Variants in CARMIL1 observed in about 807,000 individuals in gnomAD.
The protein encoded by CARMIL1 is F-actin-uncapping protein LRRC16A.
A neutral mutation model predicts 177.1 loss-of-function variants in CARMIL1; 90 were observed. The observed-to-expected ratio is 0.51, with a 90% CI of 0.43 to 0.61. The LOEUF (loss-of-function observed/expected upper bound fraction) is 0.61, where lower values mean the gene tolerates loss of function less well. Among genes scored for constraint, CARMIL1 ranks in the 20% least tolerant of loss-of-function variants. The pLI, the probability that CARMIL1 is intolerant of heterozygous loss-of-function variation, is 0.00. For missense variants in CARMIL1, 1,380 were observed against 1,667.0 expected (o/e 0.83, Z 3.00); for synonymous variants, 577 against 606.2 (o/e 0.95, Z 0.71).
intron 8 of CARMIL1, among the ~76,000 whole-genome samples, chr6:25,459,273 T>TCTTTCTTTCTTTCTTTC (rs1390647134): frequency 3.8e-5 from 5 of 132,750 alleles, no homozygotes; most frequent in South Asian, 2.4e-4. Flanking sequence ...TTTCTTTTTT[T>TCTTTCTTTCTTTCTTTC]TTTTTTTAAG....
intron 2 of CARMIL1, among the ~76,000 whole-genome samples, chr6:25,397,313 G>T (rs371756429): frequency 6.6e-6 from 1 of 152,162 alleles, no homozygotes; most frequent in African/African-American, 2.4e-5. Context: ...TGCCAAGGGG[G>T]CCTTGCAGGC....
chr6:25,424,697 T>G (rs1437283115), intron 3 of CARMIL1, among the ~76,000 whole-genome samples: 4 of 152,188 alleles, frequency 2.6e-5, no homozygotes, highest in Non-Finnish European at 5.9e-5. Flanking sequence ...CATTGAATAT[T>G]GATGAAAGTG....
intron 23 of CARMIL1, among the ~76,000 whole-genome samples, chr6:25,526,080 C>T (rs531842308): frequency 6.9e-4 from 105 of 151,670 alleles, no homozygotes; most frequent in Middle Eastern, 6.8e-3. Context: ...GAGGCCGAGG[C>T]GGGCGGATCA....
rs1361937581 is a variant in CARMIL1 at position 25,326,857 on chromosome 6, C to A, written c.138+41948C>A. 1.3e-5 allele frequency among the ~76,000 whole-genome samples: 2 copies of A among 152,062 alleles called. No homozygotes were observed. The highest frequency in any genetic ancestry group is 4.8e-5 in the African/African-American group (2 of 41,396). Reference sequence around the variant, plus strand: ...ATGTTTCAAGACGGAATCCCACTGTCACCCAGGCTGGAGTGCAGTGGCATG... The same window carrying A: ...ATGTTTCAAGACGGAATCCCACTGTAACCCAGGCTGGAGTGCAGTGGCATG... On this transcript the variant is annotated intron_variant, in intron 2 of 36. Coordinates refer to ENST00000329474, the MANE Select transcript of CARMIL1 (RefSeq NM_017640.6). The surrounding 1 kb of genome is among the most constrained non-coding windows in gnomAD (Gnocchi z 4.2).
intron 2 of CARMIL1, among the ~76,000 whole-genome samples, chr6:25,315,868 T>A (rs996141442): frequency 3.3e-5 from 5 of 152,212 alleles, no homozygotes; most frequent in African/African-American, 1.2e-4. Flanking sequence ...TTGCCAATAC[T>A]TGGGGCTTGT....
At chr6:25,296,403 C>T (rs1782367502) in intron 2 of CARMIL1, among the ~76,000 whole-genome samples, 2 of 152,186 alleles carry the variant, frequency 1.3e-5, no homozygotes, top group Non-Finnish European at 2.9e-5. Context: ...CCATTGTGTA[C>T]TATGTTGCTT....
At chr6:25,438,180 T>C (rs1420082004) in intron 5 of CARMIL1, among the ~76,000 whole-genome samples, 1 of 152,206 alleles carries the variant, frequency 6.6e-6, no homozygotes, top group Admixed American at 6.5e-5. Context: ...AAGAGAGTCT[T>C]TATTCATGTT....
chr6:25,442,898 A>G (rs758968533), intron 5 of CARMIL1, among the ~76,000 whole-genome samples: 12 of 152,184 alleles, frequency 7.9e-5, no homozygotes, highest in Non-Finnish European at 1.8e-4. Context: ...TTTTTCGAGT[A>G]AAACTGAGGC....
At chr6:25,593,624 C>T (rs770262220) in intron 31 of CARMIL1, among the ~76,000 whole-genome samples, 3 of 152,218 alleles carry the variant, frequency 2.0e-5, no homozygotes, top group Non-Finnish European at 2.9e-5. Context: ...AGCACAGATA[C>T]CCAGGTGCTT....
At chr6:25,298,013 A>C (rs1180081167) in intron 2 of CARMIL1, among the ~76,000 whole-genome samples, 7 of 152,240 alleles carry the variant, frequency 4.6e-5, no homozygotes, top group Admixed American at 4.6e-4. Flanking sequence ...GCTAACATTT[A>C]ATCTTGGCCA....
intron 33 of CARMIL1, among the ~76,000 whole-genome samples, chr6:25,601,232 C>T (rs150170504): frequency 3.3e-5 from 5 of 152,302 alleles, no homozygotes; most frequent in Admixed American, 3.3e-4. Flanking sequence ...AGCACAGACC[C>T]TAAAGAAATG....
At chr6:25,571,554 T>A (rs1812066896) in intron 29 of CARMIL1, among the ~76,000 whole-genome samples, 1 of 152,252 alleles carries the variant, frequency 6.6e-6, no homozygotes, top group Admixed American at 6.5e-5. Context: ...CTCATAGAGT[T>A]ACTATTAATT....
intron 9 of CARMIL1, among the ~76,000 whole-genome samples, chr6:25,470,318 A>C (rs1203508218): frequency 6.6e-6 from 1 of 152,218 alleles, no homozygotes; most frequent in Non-Finnish European, 1.5e-5. Flanking sequence ...AATAATCTTT[A>C]ATGGTTTTAT....
At position 25,573,312 on chromosome 6, in the gene CARMIL1, A is replaced by T. The variant is rs1197871486; in HGVS notation, c.2743-7612A>T. Among the ~76,000 whole-genome samples the T allele has an allele frequency of 2.0e-5, 3 of 152,186 alleles. No homozygotes were observed. The East Asian group carries it at 5.8e-4, about 29-fold the overall frequency. On this transcript the variant is annotated intron_variant, in intron 29 of 36. Transcript: ENST00000329474. ...ATTACATGAAAACCATTTTCATTTC[A>T]TTAAAATGAAAAAAATTACTTTTCA... is the stretch of plus-strand genomic sequence containing the variant.
chr6:25,372,177 T>C (rs1790483297), intron 2 of CARMIL1, among the ~76,000 whole-genome samples: 2 of 152,174 alleles, frequency 1.3e-5, no homozygotes, highest in Non-Finnish European at 2.9e-5. Context: ...AATTTGAAGT[T>C]AGGTAATGTG....
intron 8 of CARMIL1, among the ~76,000 whole-genome samples, chr6:25,462,790 G>C (rs376437804): frequency 1.1e-4 from 16 of 152,066 alleles, no homozygotes; most frequent in African/African-American, 1.7e-4. Flanking sequence ...CTCGTCTTTC[G>C]TTGTATTACA....
chr6:25,465,673 C>T, intron 8 of CARMIL1, 200 bp from the exon 9 acceptor site: 1 of 552,020 alleles, frequency 1.8e-6, no homozygotes, highest in Non-Finnish European at 3.2e-6. Context: ...AACAGAGTCC[C>T]TAGAGACAAT....
intron 2 of CARMIL1, among the ~76,000 whole-genome samples, chr6:25,386,567 C>T (rs2150511090): frequency 6.6e-6 from 1 of 152,122 alleles, no homozygotes; most frequent in East Asian, 1.9e-4. Flanking sequence ...TGATATCTTG[C>T]TACTTGAACT....
At chr6:25,299,758 C>A (rs1782702423) in intron 2 of CARMIL1, among the ~76,000 whole-genome samples, 2 of 151,908 alleles carry the variant, frequency 1.3e-5, no homozygotes, top group African/African-American at 4.8e-5. Flanking sequence ...AGCGGATCAC[C>A]TGAGGTCAGG....
Sources: allele counts gnomAD v4.1 joint callset (sites outside exome capture counted in the v4.1 genomes callset), GRCh38; gene constraint gnomAD v4.1.1; non-coding constraint Gnocchi (gnomAD v3.1); transcripts MANE v1.5; gene names NCBI Gene and HGNC (gene_info 2026-07-23, HGNC 2026-07-21).